The following CCL26 variants were observed in gnomAD, a reference collection of about 807,000 sequenced individuals.
CCL26 encodes C-C motif chemokine ligand 26.
CCL26 carries 10 observed loss-of-function variants against 10.7 expected under a neutral mutation model. The ratio of observed to expected loss-of-function variants is 0.93; its 90% CI spans 0.57 to 1.58. CCL26 has a LOEUF of 1.58. CCL26 is among the 40% of genes most tolerant of loss of function. The probability of loss-of-function intolerance (pLI) is 0.00; values close to 1 mark genes in which losing one functional copy is unlikely to be tolerated. For synonymous variants in CCL26, 43 were observed against 41.4 expected (o/e 1.04, Z -0.15); for missense variants, 116 against 111.0 (o/e 1.05, Z -0.20).
At chr7:75,785,133 A>T (rs2115688363) in intron 1 of CCL26, among the ~76,000 whole-genome samples, 1 of 152,122 alleles carries the variant, frequency 6.6e-6, no homozygotes, top group African/African-American at 2.4e-5. Flanking sequence ...TTTTGTCCTC[A>T]ATACCTTCCT....
At chr7:75,777,721 GAA>G (rs60039632) in intron 1 of CCL26, among the ~76,000 whole-genome samples, 15 of 60,548 alleles carry the variant, frequency 2.5e-4, no homozygotes, top group Admixed American at 8.4e-4. Context: ...TCCTGTCTCA[GAA>G]AAAAAAAAAA....
At chr7:75,775,488 G>A (rs1802917950), upstream of CCL26, among the ~76,000 whole-genome samples, 1 of 152,178 alleles carries the variant, frequency 6.6e-6, no homozygotes, top group Non-Finnish European at 1.5e-5. Context: ...AGGAAGCAGA[G>A]GCAGCAACGC....
chr7:75,772,039 C>G (rs1554528168), intron 1 of CCL26, 36 bp from the exon 2 acceptor site: 1 of 1,601,574 alleles, frequency 6.2e-7, no homozygotes, highest in Non-Finnish European at 8.6e-7. Context: ...TGGAGATACT[C>G]ATTTCCATCC....
upstream of CCL26, among the ~76,000 whole-genome samples, chr7:75,773,280 C>A (rs1802869734): frequency 6.6e-6 from 1 of 151,886 alleles, no homozygotes; most frequent in African/African-American, 2.4e-5. Context: ...AAAAATTAGC[C>A]AGGCACGGTG....
At chr7:75,790,340 C>T (rs1554530673), upstream of CCL26, among the ~76,000 whole-genome samples, 1 of 146,280 alleles carries the variant, frequency 6.8e-6, no homozygotes, top group East Asian at 2.3e-4. Context: ...ACCTCAAGAT[C>T]CTGGGCTCAA....
chr7:75,774,746 T>TA (rs1802897655), upstream of CCL26, among the ~76,000 whole-genome samples: 1 of 133,926 alleles, frequency 7.5e-6, no homozygotes, highest in Non-Finnish European at 1.6e-5. Flanking sequence ...CCACCCGGCC[T>TA]ATTTTTTTTA....
At chr7:75,770,687 A>AT (rs1373786974) in intron 2 of CCL26, among the ~76,000 whole-genome samples, 15 of 146,306 alleles carry the variant, frequency 1.0e-4, no homozygotes, top group African/African-American at 3.0e-4. Context: ...GGCCTATTTT[A>AT]TTTTTTTTGA....
upstream of CCL26, among the ~76,000 whole-genome samples, chr7:75,773,482 T>C (rs10248999): frequency 0.3 from 45,103 of 151,900 alleles, 7,395 homozygotes; most frequent in African/African-American, 0.44. Context: ...TCTTAAACTC[T>C]TGGCTCAAGT....
upstream of CCL26, among the ~76,000 whole-genome samples, chr7:75,774,606 C>T (rs545826774): frequency 1.8e-3 from 272 of 151,996 alleles, no homozygotes; most frequent in African/African-American, 6.3e-3. Context: ...CCACCATGCC[C>T]GGGTAATTTT....
rs12721466 is a variant in CCL26, at chr7:75,769,614, A to G, written c.*79T>C. ...CCCAGCGGGTCCATGTAGCCTTCAG[A>G]AAAGATTCCGCAGGCTCCCCAGAGG... is the stretch of plus-strand genomic sequence containing the variant. On this transcript the variant is annotated 3_prime_UTR_variant, in exon 3 of 3. Coordinates refer to ENST00000005180, the MANE Select transcript of CCL26 (RefSeq NM_001371938.1). 3.3e-3 allele frequency: 3,006 copies of G among 921,816 alleles called. 58 individuals carry two copies. The East Asian group carries it at 0.048, about 15-fold the overall frequency. 57.1% of individuals were successfully genotyped at this position (921,816 alleles called of 1,614,324 possible). A position where few individuals can be genotyped will look rare whatever the true frequency, so the allele number is the denominator to read the frequency against.
intron 1 of CCL26, among the ~76,000 whole-genome samples, chr7:75,783,679 C>G (rs1554529669): frequency 6.7e-6 from 1 of 150,330 alleles, no homozygotes; most frequent in Non-Finnish European, 1.5e-5. Flanking sequence ...CCCAGCTACT[C>G]GGGAGGCTGA....
At chr7:75,779,395 C>T (rs1311432045) in intron 1 of CCL26, among the ~76,000 whole-genome samples, 1 of 152,134 alleles carries the variant, frequency 6.6e-6, no homozygotes, top group Non-Finnish European at 1.5e-5. Context: ...GAAAGATCCA[C>T]CTATGACCTC....
chr7:75,773,487 T>C (rs1210945345), upstream of CCL26, among the ~76,000 whole-genome samples: 2 of 151,962 alleles, frequency 1.3e-5, no homozygotes, highest in East Asian at 1.9e-4. Context: ...AACTCTTGGC[T>C]CAAGTGACTG....
At chr7:75,787,824 T>A (rs1366909956) in intron 1 of CCL26, among the ~76,000 whole-genome samples, 1 of 152,030 alleles carries the variant, frequency 6.6e-6, no homozygotes, top group Non-Finnish European at 1.5e-5. Context: ...TCCTCCCAAT[T>A]CTTAGTCCTT....
chr7:75,776,818 G>A (rs1554528802), upstream of CCL26, among the ~76,000 whole-genome samples: 1 of 152,164 alleles, frequency 6.6e-6, no homozygotes, highest in Non-Finnish European at 1.5e-5. Context: ...TGAGGATGTG[G>A]TGCATGGCAA....
chr7:75,779,610 G>A (rs1161053250), intron 1 of CCL26, among the ~76,000 whole-genome samples: 3 of 152,070 alleles, frequency 2.0e-5, no homozygotes, highest in South Asian at 2.1e-4. Flanking sequence ...CGTTTTATCC[G>A]TGGACCCAAA....
chr7:75,781,429 G>A (rs1465652720), intron 1 of CCL26, among the ~76,000 whole-genome samples: 1 of 152,186 alleles, frequency 6.6e-6, no homozygotes, highest in Non-Finnish European at 1.5e-5. Flanking sequence ...TGATTCAAGT[G>A]CCAGAAATCT....
upstream of CCL26, among the ~76,000 whole-genome samples, chr7:75,791,497 CCT>C (rs1803332584): frequency 6.6e-6 from 1 of 152,114 alleles, no homozygotes. Flanking sequence ...GCTCCAGATT[CCT>C]CTGTGTGGAT....
rs1285950374 is a variant in CCL26 at position 75,777,662 on chromosome 7, T to C, written c.-78-5408A>G. On this transcript the variant is annotated intron_variant, in intron 1 of 3. Transcript: ENST00000394905. ...TGCTTGGGAGGCTGAGGTAGGAGGATTGCTGGAGCCCAGGAGTTCAAAGCT... is the reference window on the plus strand; with the variant it reads ...TGCTTGGGAGGCTGAGGTAGGAGGACTGCTGGAGCCCAGGAGTTCAAAGCT... Among the ~76,000 whole-genome samples, 9 of 129,642 alleles carry C rather than the reference T, an allele frequency of 6.9e-5. No homozygotes were observed. In the Admixed American group the frequency reaches 8.4e-4, roughly 12 times the overall value. The allele number at this position is 129,642 out of a possible 152,430, so 85.1% of individuals were successfully genotyped here. A position where few individuals can be genotyped will look rare whatever the true frequency, so the allele number is the denominator to read the frequency against.
Sources: allele counts gnomAD v4.1 joint callset (sites outside exome capture counted in the v4.1 genomes callset), GRCh38; gene constraint gnomAD v4.1.1; transcripts MANE v1.5; gene names NCBI Gene and HGNC (gene_info 2026-07-23, HGNC 2026-07-21).